The following HTR4 variants were observed in gnomAD, a reference collection of about 807,000 sequenced individuals.
HTR4 encodes the protein 5-hydroxytryptamine (serotonin) receptor 4, G protein-coupled.
Under a neutral mutation model 36.8 loss-of-function variants are expected in HTR4, and 16 were observed. The observed-to-expected ratio is 0.43, with a 90% CI of 0.29 to 0.66. The LOEUF is 0.66. HTR4 is among the 30% of genes least tolerant of loss of function. The pLI is 0.13. For synonymous variants in HTR4, 189 were observed against 185.1 expected, an observed-to-expected ratio of 1.02 and a Z score of -0.17; for missense variants, 438 against 490.9, an observed-to-expected ratio of 0.89 and a Z score of 1.02.
At chr5:148,492,491 A>T (rs1391219214) in intron 6 of HTR4, among the ~76,000 whole-genome samples, 2 of 152,206 alleles carry the variant, frequency 1.3e-5, no homozygotes, top group African/African-American at 2.4e-5. Flanking sequence ...TGTTTAGAAC[A>T]TGGAGATTTC....
chr5:148,638,314 G>T (rs774402401), intron 1 of HTR4, among the ~76,000 whole-genome samples: 1 of 152,192 alleles, frequency 6.6e-6, no homozygotes, highest in Non-Finnish European at 1.5e-5. Flanking sequence ...AAGGAAAGTA[G>T]CTCTGTCCAC....
At chr5:148,507,758 T>A (rs1043542212) in intron 6 of HTR4, among the ~76,000 whole-genome samples, 7 of 152,112 alleles carry the variant, frequency 4.6e-5, no homozygotes, top group African/African-American at 1.4e-4. Context: ...AAACTCTCTA[T>A]GAAAAAAACC....
chr5:148,522,265 T>G (rs1379131902), intron 5 of HTR4, among the ~76,000 whole-genome samples: 2 of 152,162 alleles, frequency 1.3e-5, no homozygotes, highest in Non-Finnish European at 2.9e-5. Context: ...TTATCAGCAG[T>G]GTAAAAATGG....
At chr5:148,565,237 A>G (rs1159294513) in intron 2 of HTR4, among the ~76,000 whole-genome samples, 1 of 152,208 alleles carries the variant, frequency 6.6e-6, no homozygotes, top group African/African-American at 2.4e-5. Context: ...AAATAGACAC[A>G]AATGACATTA....
chr5:148,620,933 G>A (rs370283290), intron 2 of HTR4, among the ~76,000 whole-genome samples: 1 of 152,146 alleles, frequency 6.6e-6, no homozygotes, highest in Admixed American at 6.5e-5. Flanking sequence ...TCACACCCAC[G>A]TGAGAATATA....
intron 2 of HTR4, among the ~76,000 whole-genome samples, chr5:148,582,807 T>C (rs1761191119): frequency 6.6e-6 from 1 of 152,188 alleles, no homozygotes; most frequent in African/African-American, 2.4e-5. Flanking sequence ...TTTGCTGAAG[T>C]TGCTTATCAG....
intron 4 of HTR4, among the ~76,000 whole-genome samples, chr5:148,537,575 A>G (rs1295260258): frequency 2.6e-5 from 4 of 152,112 alleles, no homozygotes; most frequent in African/African-American, 7.2e-5. Flanking sequence ...GATCCCACAG[A>G]AACAAAACTA....
At chr5:148,607,326 C>T (rs775931728) in intron 2 of HTR4, among the ~76,000 whole-genome samples, 2 of 152,152 alleles carry the variant, frequency 1.3e-5, no homozygotes, top group African/African-American at 4.8e-5. Flanking sequence ...TCAGATACTT[C>T]GGTCAAAAAG....
chr5:148,591,465 C>T (rs1761568707), intron 2 of HTR4, among the ~76,000 whole-genome samples: 1 of 152,134 alleles, frequency 6.6e-6, no homozygotes, highest in Admixed American at 6.5e-5. Context: ...TATCCATGAG[C>T]ATGAGATGTT....
intron 4 of HTR4, among the ~76,000 whole-genome samples, chr5:148,536,916 C>G (rs1758851613): frequency 6.6e-6 from 1 of 152,164 alleles, no homozygotes; most frequent in Admixed American, 6.5e-5. Context: ...ACTCTCCACC[C>G]CAAAACAACA....
intron 2 of HTR4, among the ~76,000 whole-genome samples, chr5:148,555,880 A>C (rs1431786160): frequency 1.3e-5 from 2 of 151,942 alleles, no homozygotes; most frequent in Non-Finnish European, 2.9e-5. Context: ...AAGTATGATA[A>C]ATAAGTGATT....
At chr5:148,532,946 C>T in intron 4 of HTR4, among the ~76,000 whole-genome samples, 1 of 152,122 alleles carries the variant, frequency 6.6e-6, no homozygotes, top group East Asian at 1.9e-4. Context: ...GGAGAACACA[C>T]TTTGAGAACC....
chr5:148,481,279 G>A (rs566012195), downstream of HTR4, among the ~76,000 whole-genome samples: 201 of 152,294 alleles, frequency 1.3e-3, 5 homozygotes, highest in Admixed American at 6.5e-4. Context: ...AATCAAAGGG[G>A]ATTGGTCCAG....
At chr5:148,528,980 C>T (rs996800467) in intron 4 of HTR4, among the ~76,000 whole-genome samples, 13 of 147,392 alleles carry the variant, frequency 8.8e-5, no homozygotes, top group East Asian at 2.3e-4. Flanking sequence ...GCAAAAACCA[C>T]GATTATTTTG....
At chr5:148,610,377 C>T (rs1249099425) in intron 2 of HTR4, among the ~76,000 whole-genome samples, 4 of 152,166 alleles carry the variant, frequency 2.6e-5, no homozygotes, top group African/African-American at 9.7e-5. Flanking sequence ...CCCGTGACCC[C>T]CGAGCAGCCT....
chr5:148,616,115 C>G (rs188559697), intron 2 of HTR4, among the ~76,000 whole-genome samples: 2 of 152,124 alleles, frequency 1.3e-5, no homozygotes, highest in African/African-American at 2.4e-5. Flanking sequence ...GGCATCTGCA[C>G]GAAGGAGAAA....
intron 4 of HTR4, among the ~76,000 whole-genome samples, chr5:148,540,045 A>G (rs1455119303): frequency 6.6e-6 from 1 of 152,128 alleles, no homozygotes; most frequent in Non-Finnish European, 1.5e-5. Context: ...CAGCCATGAA[A>G]AATAACAAAA....
chr5:148,624,837 T>G (rs1753037182), intron 2 of HTR4, among the ~76,000 whole-genome samples: 1 of 151,762 alleles, frequency 6.6e-6, no homozygotes. Context: ...GCCTAAAGAG[T>G]TAAAAAATAA....
chr5:148,575,463 C>A (rs1226917016), intron 2 of HTR4, among the ~76,000 whole-genome samples: 1 of 151,986 alleles, frequency 6.6e-6, no homozygotes, highest in African/African-American at 2.4e-5. Flanking sequence ...CATGTGTTGA[C>A]AGAGATCTGG....
Sources: allele counts gnomAD v4.1 joint callset (sites outside exome capture counted in the v4.1 genomes callset), GRCh38; gene constraint gnomAD v4.1.1; transcripts MANE v1.5; gene names NCBI Gene and HGNC (gene_info 2026-07-23, HGNC 2026-07-21).